The following SDK1 variants were observed in gnomAD, a reference collection of about 807,000 sequenced individuals.
The protein encoded by SDK1 is protein sidekick-1.
A neutral mutation model predicts 245.5 loss-of-function variants in SDK1; 157 were observed. That is an observed-to-expected ratio of 0.64 (90% CI 0.56 to 0.73). The LOEUF (loss-of-function observed/expected upper bound fraction) is 0.73, where lower values mean the gene tolerates loss of function less well. Among genes scored for constraint, SDK1 ranks in the 30% least tolerant of loss-of-function variants. The pLI is 0.00. For missense variants in SDK1, 3,583 were observed against 3,002.3 expected (o/e 1.19, Z -4.52); for synonymous variants, 1,647 against 1,278.5 (o/e 1.29, Z -6.15).
intron 5 of SDK1, among the ~76,000 whole-genome samples, chr7:3,828,278 A>T (rs1374402219): frequency 6.6e-6 from 1 of 152,084 alleles, no homozygotes; most frequent in Non-Finnish European, 1.5e-5. Flanking sequence ...ACTCTCAAAA[A>T]AACAAAAATA....
intron 1 of SDK1, among the ~76,000 whole-genome samples, chr7:3,583,015 C>A (rs1475762339): frequency 6.6e-6 from 1 of 152,176 alleles, no homozygotes; most frequent in Non-Finnish European, 1.5e-5. Context: ...CAAGTCCTTC[C>A]TTCTGTGACC....
chr7:3,688,702 G>A (rs1481552392), intron 4 of SDK1, among the ~76,000 whole-genome samples: 1 of 152,224 alleles, frequency 6.6e-6, no homozygotes, highest in African/African-American at 2.4e-5. Flanking sequence ...GTATCTTCCA[G>A]TGTTTATCTT....
At chr7:3,795,148 A>G (rs1258317399) in intron 4 of SDK1, among the ~76,000 whole-genome samples, 1 of 152,078 alleles carries the variant, frequency 6.6e-6, no homozygotes. Context: ...AACTGACTCT[A>G]AAATCTTTTA....
intron 38 of SDK1, among the ~76,000 whole-genome samples, chr7:4,214,804 C>T (rs958956433): frequency 3.3e-5 from 5 of 152,350 alleles, no homozygotes; most frequent in East Asian, 1.9e-4. Context: ...TTCCTCTAGA[C>T]ATGACACCTG....
chr7:3,906,244 T>G (rs1412502091), intron 5 of SDK1, among the ~76,000 whole-genome samples: 3 of 152,250 alleles, frequency 2.0e-5, no homozygotes, highest in Non-Finnish European at 4.4e-5. Context: ...TGTTCTATTA[T>G]TTTGTTAGAA....
intron 2 of SDK1, among the ~76,000 whole-genome samples, chr7:3,619,564 C>T (rs1781871062): frequency 6.6e-6 from 1 of 152,172 alleles, no homozygotes; most frequent in Admixed American, 6.5e-5. Context: ...AACAGCCCTA[C>T]CCACAAGTAT....
At chr7:3,721,537 C>T (rs572835199) in intron 4 of SDK1, among the ~76,000 whole-genome samples, 1 of 152,122 alleles carries the variant, frequency 6.6e-6, no homozygotes, top group Non-Finnish European at 1.5e-5. Context: ...GGAGGAGGGC[C>T]TTGAGATGAT....
intron 4 of SDK1, among the ~76,000 whole-genome samples, chr7:3,665,660 T>C (rs1265082247): frequency 6.6e-6 from 1 of 152,154 alleles, no homozygotes; most frequent in African/African-American, 2.4e-5. Context: ...CAACTAGAAG[T>C]AGTATTTCGT....
intron 1 of SDK1, among the ~76,000 whole-genome samples, chr7:3,397,175 T>C (rs1016846903): frequency 6.6e-6 from 1 of 151,926 alleles, no homozygotes; most frequent in Non-Finnish European, 1.5e-5. Context: ...TATAAGCCTA[T>C]CAACAAAGTT....
intron 1 of SDK1, among the ~76,000 whole-genome samples, chr7:3,519,342 C>G (rs1051261618): frequency 1.3e-5 from 2 of 152,068 alleles, no homozygotes; most frequent in African/African-American, 2.4e-5. Flanking sequence ...GCTAATTACC[C>G]ATTACTATAT....
Position 3,549,280 on chromosome 7 carries a change from A to T in SDK1, c.299-69800A>T, listed in dbSNP as rs187300980. ...CTGTGAGGATGCGTTGTTTTTGTGG[A>T]AGGCACCACCGGGTTGACACAGTAT... On this transcript the variant is annotated intron_variant, in intron 1 of 44. Coordinates refer to ENST00000404826, the MANE Select transcript of SDK1 (RefSeq NM_152744.4). Among the ~76,000 whole-genome samples, 382 of 152,282 alleles carry T rather than the reference A, an allele frequency of 2.5e-3. 2 individuals carry two copies. The highest frequency in any genetic ancestry group is 0.01 in the Middle Eastern group (3 of 294).
chr7:3,698,922 A>T (rs1017404464), intron 4 of SDK1, among the ~76,000 whole-genome samples: 2 of 152,220 alleles, frequency 1.3e-5, no homozygotes, highest in African/African-American at 4.8e-5. Context: ...GGGAGGACAC[A>T]AAGGATCAGT....
At chr7:3,651,954 C>G (rs1287769864) in intron 4 of SDK1, among the ~76,000 whole-genome samples, 5 of 152,174 alleles carry the variant, frequency 3.3e-5, no homozygotes, top group South Asian at 4.2e-4. Flanking sequence ...TTCAGACAAG[C>G]CTGAGAATTT....
intron 22 of SDK1, among the ~76,000 whole-genome samples, chr7:4,089,515 A>C (rs1264347080): frequency 1.3e-5 from 2 of 152,142 alleles, no homozygotes; most frequent in Non-Finnish European, 2.9e-5. Context: ...TCCAGGGAAG[A>C]ATGAACGGGG....
intron 1 of SDK1, among the ~76,000 whole-genome samples, chr7:3,418,957 C>T (rs979735691): frequency 6.6e-6 from 1 of 152,142 alleles, no homozygotes; most frequent in East Asian, 1.9e-4. Context: ...TTTCTGTTAG[C>T]TCTTGTAGGG....
intron 14 of SDK1, among the ~76,000 whole-genome samples, chr7:4,007,412 C>T (rs1258228806): frequency 2.6e-5 from 4 of 152,044 alleles, no homozygotes; most frequent in Non-Finnish European, 5.9e-5. Context: ...ACATTTGCTC[C>T]CCTCATCTAC....
At chr7:3,595,270 A>C (rs545549836) in intron 1 of SDK1, among the ~76,000 whole-genome samples, 37 of 152,064 alleles carry the variant, frequency 2.4e-4, no homozygotes, top group Middle Eastern at 6.8e-3. Context: ...CTTCTACCCT[A>C]TTCGTAACTT....
intron 11 of SDK1, among the ~76,000 whole-genome samples, 196 bp downstream of exon 11, chr7:3,969,620 A>T (rs1459349572): frequency 6.6e-6 from 1 of 152,248 alleles, no homozygotes; most frequent in Non-Finnish European, 1.5e-5. Context: ...TAGAAAATGT[A>T]TTCAGAGATT....
chr7:4,097,867 G>A (rs193266548), intron 22 of SDK1, among the ~76,000 whole-genome samples: 2 of 152,188 alleles, frequency 1.3e-5, no homozygotes, highest in Admixed American at 6.5e-5. Context: ...ATAGTCATTC[G>A]CACATGCACA....
Sources: allele counts gnomAD v4.1 joint callset (sites outside exome capture counted in the v4.1 genomes callset), GRCh38; gene constraint gnomAD v4.1.1; transcripts MANE v1.5; gene names NCBI Gene and HGNC (gene_info 2026-07-23, HGNC 2026-07-21).